Variants in FLRT2 observed in about 807,000 individuals in gnomAD.
The protein encoded by FLRT2 is leucine-rich repeat transmembrane protein FLRT2.
Under a neutral mutation model 40.0 loss-of-function variants are expected in FLRT2, and 15 were observed. The observed-to-expected ratio is 0.38, with a 90% confidence interval of 0.25 to 0.58. FLRT2 has a LOEUF of 0.58. Among genes scored for constraint, FLRT2 ranks in the 20% least tolerant of loss-of-function variants. The probability of loss-of-function intolerance (pLI) is 0.71; values close to 1 mark genes in which losing one functional copy is unlikely to be tolerated. For synonymous variants in FLRT2, 380 were observed against 336.8 expected (o/e 1.13, Z -1.41); for missense variants, 726 against 840.0 (o/e 0.86, Z 1.68).
chr14:85,572,744 T>A (rs1303201064), intron 1 of FLRT2, among the ~76,000 whole-genome samples: 1 of 152,180 alleles, frequency 6.6e-6, no homozygotes, highest in Non-Finnish European at 1.5e-5. Flanking sequence ...GTGTGCCTTG[T>A]GCCCTGCTTG....
chr14:85,587,287 GAAAAAAA>G (rs748034839), intron 1 of FLRT2, among the ~76,000 whole-genome samples: 5 of 88,220 alleles, frequency 5.7e-5, no homozygotes, highest in Non-Finnish European at 1.2e-4. Flanking sequence ...CTAAGGAATG[GAAAAAAA>G]AAAAAAAAAA....
intron 1 of FLRT2, among the ~76,000 whole-genome samples, chr14:85,617,144 C>G (rs1893174684): frequency 6.6e-6 from 1 of 152,064 alleles, no homozygotes; most frequent in South Asian, 2.1e-4. Flanking sequence ...ACAGAATTAT[C>G]TGGCACAAAA....
chr14:85,573,863 C>A (rs937766440), intron 1 of FLRT2, among the ~76,000 whole-genome samples: 20 of 152,226 alleles, frequency 1.3e-4, no homozygotes, highest in Non-Finnish European at 1.0e-4. Context: ...GACTTTTATA[C>A]CACATCTAAA....
chr14:85,577,278 T>C (rs1891159893), intron 1 of FLRT2, among the ~76,000 whole-genome samples: 2 of 152,198 alleles, frequency 1.3e-5, no homozygotes. Flanking sequence ...TTTTATATTT[T>C]GTCAATATAT....
At chr14:85,547,756 C>T (rs532539514) in intron 1 of FLRT2, among the ~76,000 whole-genome samples, 3 of 152,222 alleles carry the variant, frequency 2.0e-5, no homozygotes, top group South Asian at 4.1e-4. Flanking sequence ...CTCAGGAGGT[C>T]CTGAGGACGT....
At chr14:85,598,884 A>G (rs1250567390) in intron 1 of FLRT2, among the ~76,000 whole-genome samples, 1 of 150,380 alleles carries the variant, frequency 6.6e-6, no homozygotes. Context: ...TTATATAGCT[A>G]TACATTAAGA....
In FLRT2 at chr14:85,626,127, C is replaced by G. The variant is rs534771819; in HGVS notation, c.*2630C>G. On this transcript the variant is annotated 3_prime_UTR_variant, in exon 2 of 2. Coordinates refer to ENST00000330753, the MANE Select transcript of FLRT2 (RefSeq NM_013231.6). ...GGCAAAGACTGCTAAGATTAAAATC[C>G]GTCTCCCATTTGTTACAGCCTCACC... 2 of 167,008 alleles carry G rather than the reference C, an allele frequency of 1.2e-5. No homozygotes were observed. Among genetic ancestry groups the G allele is most frequent in the African/African-American group, 4.8e-5 (2 of 41,434 alleles). 10.3% of individuals were successfully genotyped at this position (167,008 alleles called of 1,614,324 possible). A position where few individuals can be genotyped will look rare whatever the true frequency, so the allele number is the denominator to read the frequency against.
rs1174596636 is a variant in FLRT2 at position 85,625,891 on chromosome 14, C to T, written c.*2394C>T. 6.0e-6 allele frequency: 1 copy of T among 167,060 alleles called. No homozygotes were observed. The highest frequency in any genetic ancestry group is 1.5e-5 in the Non-Finnish European group (1 of 68,116). 10.3% of individuals were successfully genotyped at this position (167,060 alleles called of 1,614,324 possible). ...GTTTAACCCCCAGTGGGATTTCTGG[C>T]TGCTGAAACCACTTTGGGCCAGGAA... On this transcript the variant is annotated 3_prime_UTR_variant, in exon 2 of 2. Transcript: ENST00000330753.
At position 85,624,152 on chromosome 14, in the gene FLRT2, G is replaced by C. The variant is rs1231590278; in HGVS notation, c.*655G>C. The C allele has an allele frequency of 6.0e-6, 1 of 166,918 alleles. No homozygotes were observed. The highest frequency in any genetic ancestry group is 1.5e-5 in the Non-Finnish European group (1 of 68,120). 10.3% of individuals were successfully genotyped at this position (166,918 alleles called of 1,614,324 possible). On this transcript the variant is annotated 3_prime_UTR_variant, in exon 2 of 2. Coordinates refer to ENST00000330753, the MANE Select transcript of FLRT2 (RefSeq NM_013231.6). ...TTTGAAAGGACCCGAAAATGCAGGG[G>C]TTGGCTTTCTGACTGGGAACTTAAA...
rs773361874 is a variant in FLRT2, at chr14:85,621,790, G to A, written c.276G>A (p.Thr92=). ...AELHNVQSVH[T]VYLYGNQLDE... ...TGCACAATGTACAGTCGGTGCACAC[G>A]GTCTACCTGTATGGCAACCAACTGG... The change falls in exon 2 of 2, where the codon ACG becomes ACA. Residue 92 remains threonine, a synonymous_variant. Transcript: ENST00000330753. 3.5e-5 allele frequency: 56 copies of A among 1,614,014 alleles called. No homozygotes were observed. The Middle Eastern group carries it at 4.9e-4, about 14-fold the overall frequency.
At chr14:85,583,504 A>G (rs1440525525) in intron 1 of FLRT2, among the ~76,000 whole-genome samples, 2 of 152,152 alleles carry the variant, frequency 1.3e-5, no homozygotes, top group African/African-American at 4.8e-5. Context: ...TAGGAACAGA[A>G]CGCTCCTATT....
At chr14:85,540,284 A>G (rs1293652676) in intron 1 of FLRT2, among the ~76,000 whole-genome samples, 3 of 152,180 alleles carry the variant, frequency 2.0e-5, no homozygotes, top group Non-Finnish European at 4.4e-5. Flanking sequence ...GTGAATAGAA[A>G]GACAATTTAT....
At chr14:85,533,421 C>A (rs1402951476) in intron 1 of FLRT2, among the ~76,000 whole-genome samples, 1 of 151,954 alleles carries the variant, frequency 6.6e-6, no homozygotes, top group African/African-American at 2.4e-5. Flanking sequence ...CTGCGCCCGC[C>A]CCCGCGCAGC....
At chr14:85,563,315 A>G (rs1008929880) in intron 1 of FLRT2, among the ~76,000 whole-genome samples, 7 of 152,186 alleles carry the variant, frequency 4.6e-5, no homozygotes, top group Admixed American at 3.9e-4. Flanking sequence ...TCCATGGTCT[A>G]TGTTGTTTAA....
chr14:85,645,315 CAT>C lies in FLRT2; in HGVS notation c.*21822_*21823del, dbSNP rs1465559107. ...ATATGTATATAGAAGTATATATACA[CAT>C]ATAAATGTGTGCGTGTATATATATA... On this transcript the variant is annotated 3_prime_UTR_variant, in exon 2 of 2. Transcript: ENST00000330753. The C allele has an allele frequency of 1.3e-5, 2 of 151,156 alleles. No individual in the cohort carries two copies. The highest frequency in any genetic ancestry group is 3.9e-4 in the East Asian group (2 of 5,144). The allele number at this position is 151,156 out of a possible 1,614,324, so 9.4% of individuals were successfully genotyped here. A position where few individuals can be genotyped will look rare whatever the true frequency, so the allele number is the denominator to read the frequency against.
At chr14:85,579,184 C>T (rs576147287) in intron 1 of FLRT2, among the ~76,000 whole-genome samples, 2 of 152,268 alleles carry the variant, frequency 1.3e-5, no homozygotes, top group South Asian at 2.1e-4. Flanking sequence ...GTGCAGTGGG[C>T]TGGTGAGAGT....
rs1894247517 is a variant in FLRT2, at chr14:85,644,679, A to C, written c.*21182A>C. On this transcript the variant is annotated 3_prime_UTR_variant, in exon 2 of 2. Transcript: ENST00000330753. ...CCCTGGATGTTTGAAGGCAACATAT[A>C]CTAGTTTTAGATGCGCTGCTTCGAT... is the stretch of plus-strand genomic sequence containing the variant. 6.6e-6 allele frequency: 1 copy of C among 152,076 alleles called. No homozygotes were observed. The highest frequency in any genetic ancestry group is 2.4e-5 in the African/African-American group (1 of 41,400). 9.4% of individuals were successfully genotyped at this position (152,076 alleles called of 1,614,324 possible).
intron 1 of FLRT2, among the ~76,000 whole-genome samples, chr14:85,593,933 T>C (rs1325286636): frequency 6.6e-6 from 1 of 152,046 alleles, no homozygotes; most frequent in Admixed American, 6.6e-5. Context: ...TCCCAGCTAC[T>C]CCAGAGGCTG....
chr14:85,625,233 G>A lies in FLRT2; in HGVS notation c.*1736G>A, dbSNP rs1893624466. ...ATCAAATTTAAACATTTCACTCTGT[G>A]CTGCATATTTCTTTTACCATTGACC... On this transcript the variant is annotated 3_prime_UTR_variant, in exon 2 of 2. Coordinates refer to ENST00000330753, the MANE Select transcript of FLRT2 (RefSeq NM_013231.6). The A allele has an allele frequency of 6.0e-6, 1 of 167,004 alleles. No individual in the cohort carries two copies. Among genetic ancestry groups the A allele is most frequent in the South Asian group, 2.1e-4 (1 of 4,830 alleles). The allele number at this position is 167,004 out of a possible 1,614,324, so 10.3% of individuals were successfully genotyped here. A position where few individuals can be genotyped will look rare whatever the true frequency, so the allele number is the denominator to read the frequency against.
Sources: gnomAD v4.1 joint callset for allele counts (sites outside exome capture counted in the v4.1 genomes callset) on GRCh38, gnomAD v4.1.1 for gene constraint, MANE v1.5 for transcripts, NCBI Gene and HGNC (gene_info 2026-07-23, HGNC 2026-07-21) for gene names.